SPTLC3: variants seen among roughly 807,000 people sequenced by gnomAD.
SPTLC3 encodes serine palmitoyltransferase long chain base subunit 3.
SPTLC3 carries 36 observed loss-of-function variants against 59.3 expected under a neutral mutation model. The observed-to-expected ratio is 0.61, with a 90% CI of 0.47 to 0.80. The LOEUF is 0.80. SPTLC3 is among the 30% of genes least tolerant of loss of function. SPTLC3 has a pLI of 0.00. For synonymous variants in SPTLC3, 257 were observed against 240.8 expected (o/e 1.07, Z -0.62); for missense variants, 625 against 685.1 (o/e 0.91, Z 0.98).
intron 1 of SPTLC3, among the ~76,000 whole-genome samples, chr20:13,020,361 A>G (rs541773376): frequency 6.7e-6 from 1 of 149,074 alleles, no homozygotes; most frequent in African/African-American, 2.5e-5. Context: ...AAAAAAAAAG[A>G]AAAAAAAGAA....
At chr20:13,147,860 G>A (rs1055163811) in intron 9 of SPTLC3, among the ~76,000 whole-genome samples, 2 of 152,158 alleles carry the variant, frequency 1.3e-5, no homozygotes, top group Non-Finnish European at 2.9e-5. Context: ...TTTCAAGCCT[G>A]GGAAATAGTA....
At chr20:13,037,701 T>C (rs932050461) in intron 1 of SPTLC3, among the ~76,000 whole-genome samples, 1 of 152,120 alleles carries the variant, frequency 6.6e-6, no homozygotes, top group African/African-American at 2.4e-5. Context: ...GTCTTAGAGA[T>C]GCGGAAATAT....
At chr20:13,063,180 A>G (rs1402185789) in intron 2 of SPTLC3, among the ~76,000 whole-genome samples, 1 of 152,168 alleles carries the variant, frequency 6.6e-6, no homozygotes, top group African/African-American at 2.4e-5. Flanking sequence ...TAATAGTATG[A>G]CTGCACTTCT....
chr20:13,147,226 G>A (rs2038534622), intron 9 of SPTLC3, among the ~76,000 whole-genome samples: 1 of 152,220 alleles, frequency 6.6e-6, no homozygotes, highest in East Asian at 1.9e-4. Context: ...TGTAGCCCTG[G>A]AATCCCGACA....
intron 1 of SPTLC3, among the ~76,000 whole-genome samples, chr20:13,018,079 C>A (rs1985631973): frequency 6.6e-6 from 1 of 152,194 alleles, no homozygotes; most frequent in Non-Finnish European, 1.5e-5. Flanking sequence ...AGTGAATCCT[C>A]CAGCCCCAGG....
At chr20:13,066,377 G>C (rs993906233) in intron 2 of SPTLC3, among the ~76,000 whole-genome samples, 2 of 152,082 alleles carry the variant, frequency 1.3e-5, no homozygotes, top group Non-Finnish European at 2.9e-5. Context: ...TACTGTGAAT[G>C]CATGAATTTA....
Position 13,101,978 on chromosome 20 carries a change from T to C in SPTLC3, c.827-8134T>C, listed in dbSNP as rs114851387. 4.7e-3 allele frequency among the ~76,000 whole-genome samples: 711 copies of C among 152,112 alleles called. 5 individuals are homozygous for C. The highest frequency in any genetic ancestry group is 0.016 in the African/African-American group (673 of 41,498). On this transcript the variant is annotated intron_variant, in intron 6 of 11. Transcript: ENST00000399002. ...TTCAGCTTAGAGAGTTGTCATGAGG[T>C]CAGAGGTCCAGGCAGGTCAAGAATT...
At chr20:13,125,724 CA>C (rs2037972873) in intron 8 of SPTLC3, among the ~76,000 whole-genome samples, 1 of 152,178 alleles carries the variant, frequency 6.6e-6, no homozygotes, top group Admixed American at 6.5e-5. Context: ...CAGGCTTATT[CA>C]CATAGCAGCT....
chr20:13,109,771 T>C (rs1990118497), intron 6 of SPTLC3, among the ~76,000 whole-genome samples: 1 of 152,158 alleles, frequency 6.6e-6, no homozygotes, highest in African/African-American at 2.4e-5. Flanking sequence ...TCAGAGTTCA[T>C]TTCAGCCTGC....
chr20:13,060,381 T>G (rs1987914836), intron 2 of SPTLC3, among the ~76,000 whole-genome samples: 1 of 40,498 alleles, frequency 2.5e-5, no homozygotes, highest in Admixed American at 2.3e-4. Flanking sequence ...GCTAAAGTTA[T>G]TTATTTATTT....
chr20:13,071,159 G>T (rs1488236439), intron 2 of SPTLC3, among the ~76,000 whole-genome samples: 1 of 152,328 alleles, frequency 6.6e-6, no homozygotes, highest in East Asian at 1.9e-4. Context: ...TCTTGAGGCT[G>T]CAGCATTCAT....
At chr20:13,024,588 T>A (rs1476880131) in intron 1 of SPTLC3, among the ~76,000 whole-genome samples, 1 of 152,224 alleles carries the variant, frequency 6.6e-6, no homozygotes, top group African/African-American at 2.4e-5. Context: ...TTCAATGAGT[T>A]TTGACCTGCA....
chr20:13,105,267 GA>G (rs34496058), intron 6 of SPTLC3, among the ~76,000 whole-genome samples: 17 of 149,562 alleles, frequency 1.1e-4, no homozygotes, highest in Admixed American at 8.7e-4. Context: ...CCTGCAGGAG[GA>G]AAAAAAAAAT....
intron 9 of SPTLC3, among the ~76,000 whole-genome samples, chr20:13,128,061 G>T (rs2038035473): frequency 6.6e-6 from 1 of 152,234 alleles, no homozygotes; most frequent in Non-Finnish European, 1.5e-5. Context: ...CAGTTATGAA[G>T]TGAGAAAAAC....
rs1010752281 is a variant in SPTLC3 at position 13,126,441 on chromosome 20, G to GA, written c.1153-146dup. 1.2e-4 allele frequency: 105 copies of GA among 881,112 alleles called. No individual in the cohort carries two copies. In the African/African-American group the frequency reaches 1.7e-3, roughly 15 times the overall value. 54.6% of individuals were successfully genotyped at this position (881,112 alleles called of 1,614,324 possible). ...AAATAGAAAAAATAAATAGTTTGATGAAAACCATTGAAAGTTGGACCCCAT... is the reference window on the plus strand; with the variant it reads ...AAATAGAAAAAATAAATAGTTTGATGAAAAACCATTGAAAGTTGGACCCCAT... On this transcript the variant is annotated intron_variant, in intron 8 of 11. Transcript: ENST00000399002.
chr20:13,029,464 C>G (rs17226306), intron 1 of SPTLC3, among the ~76,000 whole-genome samples: 8,371 of 152,160 alleles, frequency 0.055, 271 homozygotes, highest in South Asian at 0.084. Flanking sequence ...AGGAGTATTG[C>G]TAGTCAAGAT....
chr20:13,135,494 T>G (rs945839268), intron 9 of SPTLC3, among the ~76,000 whole-genome samples: 27 of 152,338 alleles, frequency 1.8e-4, no homozygotes, highest in African/African-American at 5.3e-4. Flanking sequence ...CTAGTGAATA[T>G]TAGATATTAA....
intron 5 of SPTLC3, among the ~76,000 whole-genome samples, 166 bp from the exon 6 acceptor site, chr20:13,093,318 C>T (rs1430386863): frequency 2.0e-5 from 3 of 152,210 alleles, no homozygotes; most frequent in Non-Finnish European, 2.9e-5. Context: ...AACTGCTATA[C>T]ATGATTTTGT....
At chr20:13,158,867 C>T (rs532325074) in intron 10 of SPTLC3, among the ~76,000 whole-genome samples, 7 of 152,324 alleles carry the variant, frequency 4.6e-5, no homozygotes, top group African/African-American at 1.4e-4. Flanking sequence ...TTATTCTCCA[C>T]GTCTGGTTCA....
Sources: gnomAD v4.1 joint callset for allele counts (sites outside exome capture counted in the v4.1 genomes callset) on GRCh38, gnomAD v4.1.1 for gene constraint, MANE v1.5 for transcripts, NCBI Gene and HGNC (gene_info 2026-07-23, HGNC 2026-07-21) for gene names.